The following TRMT11 variants were observed in gnomAD, a reference collection of about 807,000 sequenced individuals.
The protein encoded by TRMT11 is tRNA methyltransferase 11, also known as tRNA (guanine(10)-N(2))-methyltransferase TRMT11.
Under a neutral mutation model 62.8 loss-of-function variants are expected in TRMT11, and 53 were observed. That is an observed-to-expected ratio of 0.84 (90% CI 0.68 to 1.06). TRMT11 has a LOEUF of 1.06. Ranked by LOEUF, TRMT11 falls within the 50% of genes least tolerant of loss-of-function variation. The pLI is 0.00. For missense variants in TRMT11, 556 were observed against 553.4 expected, an observed-to-expected ratio of 1.00 and a Z score of -0.05; for synonymous variants, 188 against 190.3, an observed-to-expected ratio of 0.99 and a Z score of 0.10.
upstream of TRMT11, among the ~76,000 whole-genome samples, chr6:126,176,404 T>C (rs539029356): frequency 1.8e-4 from 26 of 144,548 alleles, no homozygotes; most frequent in South Asian, 5.4e-3. Flanking sequence ...TCTATAGTTC[T>C]TGGAAATAAC....
chr6:126,010,799 C>T (rs748487016), intron 8 of TRMT11, among the ~76,000 whole-genome samples: 15 of 152,106 alleles, frequency 9.9e-5, no homozygotes, highest in Non-Finnish European at 1.6e-4. Context: ...CTTCCACTCC[C>T]ACTTTAACTT....
chr6:126,067,554 A>G (rs1007700348), intron 17 of TRMT11, among the ~76,000 whole-genome samples: 2 of 152,154 alleles, frequency 1.3e-5, no homozygotes, highest in African/African-American at 4.8e-5. Flanking sequence ...GTGTGACTAT[A>G]CTGTAGTTTA....
chr6:125,993,823 G>T lies in TRMT11; in HGVS notation c.138+1G>T. 2 of 1,602,330 alleles carry T rather than the reference G, an allele frequency of 1.2e-6. No individual in the cohort carries two copies. The highest frequency in any genetic ancestry group is 2.2e-5 in the South Asian group (2 of 90,698). The stretch of plus-strand genomic sequence containing the variant: ...CAGCAGTCAAGAAACTTATGGAAAG[G>T]TAAGTTAAATTTTCATTAGACCATA... On this transcript the variant is annotated splice_donor_variant, in intron 2 of 12. Transcript: ENST00000334379. LOFTEE classifies it high-confidence loss of function.
At chr6:126,175,000 T>A (rs1435225601), upstream of TRMT11, among the ~76,000 whole-genome samples, 1 of 152,188 alleles carries the variant, frequency 6.6e-6, no homozygotes, top group Non-Finnish European at 1.5e-5. Context: ...AGGAGCATAT[T>A]GTATGTGCAA....
At chr6:126,188,445 C>G (rs999423939) in intron 1 of TRMT11, among the ~76,000 whole-genome samples, 1 of 152,086 alleles carries the variant, frequency 6.6e-6, no homozygotes, top group Non-Finnish European at 1.5e-5. Context: ...TCCATACCCA[C>G]TAGAATGGCT....
chr6:125,992,924 C>G (rs1790856324), intron 1 of TRMT11, among the ~76,000 whole-genome samples: 1 of 152,164 alleles, frequency 6.6e-6, no homozygotes, highest in Non-Finnish European at 1.5e-5. Flanking sequence ...GCACTAGTAG[C>G]TTGAACTTCT....
At chr6:126,026,290 G>T (rs1773063435) in intron 12 of TRMT11, among the ~76,000 whole-genome samples, 1 of 152,060 alleles carries the variant, frequency 6.6e-6, no homozygotes, top group Non-Finnish European at 1.5e-5. Flanking sequence ...TTGAAATTCT[G>T]TGTCGTTTTT....
the TRMT11 span, among the ~76,000 whole-genome samples, chr6:126,254,593 T>A: frequency 6.6e-6 from 1 of 152,232 alleles, no homozygotes; most frequent in Admixed American, 6.5e-5. Context: ...TAGTTAACAA[T>A]TTAAGGACAT....
chr6:126,181,148 C>T (rs1033621632), intron 1 of TRMT11, among the ~76,000 whole-genome samples: 4 of 152,032 alleles, frequency 2.6e-5, no homozygotes, highest in African/African-American at 9.7e-5. Flanking sequence ...TGGAAACTTG[C>T]TCTAGATTAT....
the TRMT11 span, among the ~76,000 whole-genome samples, chr6:126,233,544 G>A: frequency 6.6e-6 from 1 of 152,128 alleles, no homozygotes; most frequent in Non-Finnish European, 1.5e-5. Context: ...ATAGCTGCAA[G>A]GGGAGGCTAA....
At chr6:126,060,488 G>T (rs563157417) in intron 17 of TRMT11, among the ~76,000 whole-genome samples, 1 of 152,208 alleles carries the variant, frequency 6.6e-6, no homozygotes, top group Non-Finnish European at 1.5e-5. Context: ...ACCGAGTGTA[G>T]TCTAAGAGCC....
chr6:126,232,805 T>A, the TRMT11 span, among the ~76,000 whole-genome samples: 1 of 152,156 alleles, frequency 6.6e-6, no homozygotes, highest in Admixed American at 6.5e-5. Context: ...ATAAGCAAAA[T>A]GTGCTGAATC....
intron 9 of TRMT11, among the ~76,000 whole-genome samples, chr6:126,011,645 CCT>C (rs1794217918): frequency 6.6e-6 from 1 of 151,972 alleles, no homozygotes; most frequent in Non-Finnish European, 1.5e-5. Flanking sequence ...CTTGCCATCC[CCT>C]GTTATATCCT....
intron 17 of TRMT11, among the ~76,000 whole-genome samples, chr6:126,067,958 A>G (rs1192795910): frequency 1.6e-4 from 24 of 152,174 alleles, no homozygotes; most frequent in Admixed American, 1.5e-3. Context: ...CAATTCACGC[A>G]TTTAAAATGT....
intron 4 of TRMT11, 28 bp from the exon 5 acceptor site, chr6:125,998,195 T>A: frequency 6.3e-7 from 1 of 1,594,578 alleles, no homozygotes; most frequent in Non-Finnish European, 8.6e-7. Flanking sequence ...ATTAAAATAC[T>A]CAAAAAACTG....
the TRMT11 span, among the ~76,000 whole-genome samples, chr6:126,265,119 C>T: frequency 6.6e-6 from 1 of 152,086 alleles, no homozygotes; most frequent in Non-Finnish European, 1.5e-5. Flanking sequence ...TACACACATG[C>T]ACACCTGTAT....
chr6:126,265,159 C>G, the TRMT11 span, among the ~76,000 whole-genome samples: 1 of 152,050 alleles, frequency 6.6e-6, no homozygotes, highest in Non-Finnish European at 1.5e-5. Context: ...TGAGTGTGGC[C>G]TTGTTTACAC....
intron 12 of TRMT11, among the ~76,000 whole-genome samples, chr6:126,032,006 G>C (rs1026588183): frequency 6.6e-6 from 1 of 152,186 alleles, no homozygotes; most frequent in Non-Finnish European, 1.5e-5. Flanking sequence ...GGCAGGACTC[G>C]GTGACTAATT....
At chr6:126,107,956 T>C (rs1317317221) in intron 17 of TRMT11, among the ~76,000 whole-genome samples, 2 of 152,204 alleles carry the variant, frequency 1.3e-5, no homozygotes, top group African/African-American at 4.8e-5. Flanking sequence ...AGAATCATCC[T>C]GTTGAGCATT....
Sources: allele counts gnomAD v4.1 joint callset (sites outside exome capture counted in the v4.1 genomes callset), GRCh38; gene constraint gnomAD v4.1.1; transcripts MANE v1.5; gene names NCBI Gene and HGNC (gene_info 2026-07-23, HGNC 2026-07-21).